COL7A1: variants seen among roughly 807,000 people sequenced by gnomAD.
COL7A1 encodes collagen type VII alpha 1 chain, also known as collagen alpha-1(VII) chain.
A neutral mutation model predicts 456.2 loss-of-function variants in COL7A1; 296 were observed. The ratio of observed to expected loss-of-function variants is 0.65; its 90% CI spans 0.59 to 0.71. The LOEUF (loss-of-function observed/expected upper bound fraction) is 0.71, where lower values mean the gene tolerates loss of function less well. COL7A1 is among the 30% of genes least tolerant of loss of function. The pLI, the probability that COL7A1 is intolerant of heterozygous loss-of-function variation, is 0.00. For missense variants in COL7A1, 3,441 were observed against 4,017.2 expected (o/e 0.86, Z 3.88); for synonymous variants, 1,464 against 1,525.9 (o/e 0.96, Z 0.95).
Position 48,575,983 on chromosome 3 carries a change from C to T in COL7A1, c.5821-81G>A, listed in dbSNP as rs529853479. Reference sequence around the variant, plus strand: ...GCCCCGCACGGCCTCAGGAAAGCACCTTCACACCCTTTTCCCTAGGCCTCT... The same window carrying T: ...GCCCCGCACGGCCTCAGGAAAGCACTTTCACACCCTTTTCCCTAGGCCTCT... On this transcript the variant is annotated intron_variant, in intron 71 of 118. Coordinates refer to ENST00000681320, the MANE Select transcript of COL7A1 (RefSeq NM_000094.4). The surrounding 1 kb of genome is among the most constrained non-coding windows in gnomAD (Gnocchi z 6.3). 38 of 1,604,832 alleles carry T rather than the reference C, an allele frequency of 2.4e-5. No homozygotes were observed. Among genetic ancestry groups the T allele is most frequent in the Non-Finnish European group, 3.2e-5 (37 of 1,172,066 alleles).
rs769933448 is a variant in COL7A1 at position 48,570,886 on chromosome 3, C to T, written c.7247G>A (p.Gly2416Asp). Reference sequence around the variant, plus strand: ...CCGCTCTCCACTAGGGCCTGGCTGACCCATCTCTCCTCGAGGGCCTGTCTG... The same window carrying T: ...CCGCTCTCCACTAGGGCCTGGCTGATCCATCTCTCCTCGAGGGCCTGTCTG... ...PGQTGPRGEM[G>D]QPGPSGERGL... Residue 2416 changes from glycine to aspartate, a missense_variant, in exon 95 of 119, where the codon GGT becomes GAT. Transcript: ENST00000681320. The surrounding 1 kb of genome is among the most constrained non-coding windows in gnomAD (Gnocchi z 5.5). The T allele has an allele frequency of 1.9e-6, 3 of 1,613,030 alleles. No homozygotes were observed. The highest frequency in any genetic ancestry group is 2.5e-6 in the Non-Finnish European group (3 of 1,179,750).
rs571125408 is a variant in COL7A1 at position 48,570,572 on chromosome 3, G to A, written c.7344+67C>T. On this transcript the variant is annotated intron_variant, in intron 96 of 118. Transcript: ENST00000681320. The surrounding 1 kb of genome is among the most constrained non-coding windows in gnomAD (Gnocchi z 5.5). ...CCCCCAACACCCCACAGTGTGGCCC[G>A]CCCCATCCTAAGTCCTCACGAGGAC... The A allele has an allele frequency of 3.5e-5, 56 of 1,613,114 alleles. No individual in the cohort carries two copies. The highest frequency in any genetic ancestry group is 4.4e-5 in the Non-Finnish European group (52 of 1,179,362).
Position 48,570,500 on chromosome 3 carries a change from C to T in COL7A1, c.7345G>A (p.Gly2449Arg), listed in dbSNP as rs1381350455. The change falls in exon 97 of 119, where the codon GGA becomes AGA. Residue 2449 changes from glycine (G) to arginine (R), a missense_variant and splice_region_variant. This residue lies in a region of COL7A1 where 2,084 missense variants were observed against 2,501.3 expected (regional missense o/e 0.83). Transcript: ENST00000681320. This position sits in a 1 kb window ranked among gnomAD's most constrained non-coding sequence, Gnocchi z 5.5. ...TTGAGTCCAGAGGCCCCAGGTGGTC[C>T]CTGTAGGTCAGAGTGAGGTGAGGGT... ...LGPPGPPGSVGPPGASGLKGD... is the reference protein window; with the variant it reads ...LGPPGPPGSVRPPGASGLKGD... The T allele has an allele frequency of 6.2e-7, 1 of 1,614,018 alleles. No individual in the cohort carries two copies. Among genetic ancestry groups the T allele is most frequent in the Non-Finnish European group, 8.5e-7 (1 of 1,179,956 alleles).
Position 48,578,820 on chromosome 3 carries a change from G to T in COL7A1, c.5424+99C>A. 2 of 1,307,430 alleles carry T rather than the reference G, an allele frequency of 1.5e-6. No homozygotes were observed. The highest frequency in any genetic ancestry group is 2.1e-6 in the Non-Finnish European group (2 of 956,666). 81.0% of individuals were successfully genotyped at this position (1,307,430 alleles called of 1,614,324 possible). ...ACCCTCCCAAAGGCAAGGCTGAACCGACCCCCCACCAACTCTCTCGGATGC... is the reference window on the plus strand; with the variant it reads ...ACCCTCCCAAAGGCAAGGCTGAACCTACCCCCCACCAACTCTCTCGGATGC... On this transcript the variant is annotated intron_variant, in intron 63 of 118. Transcript: ENST00000681320. This position sits in a 1 kb window ranked among gnomAD's most constrained non-coding sequence, Gnocchi z 4.7.
Position 48,586,996 on chromosome 3 carries a change from C to A in COL7A1, c.3252G>T (p.Gly1084=), listed in dbSNP as rs550516762. 6.3e-7 allele frequency: 1 copy of A among 1,599,136 alleles called. No individual in the cohort carries two copies. Among genetic ancestry groups the A allele is most frequent in the East Asian group, 2.3e-5 (1 of 44,402 alleles). The change falls in exon 25 of 119, where the codon GGG becomes GGT. Residue 1084 remains glycine (G), a synonymous_variant. Transcript: ENST00000681320. The surrounding 1 kb of genome is among the most constrained non-coding windows in gnomAD (Gnocchi z 5.1). ...CCTGAACTGCCTGTGGCCCAAGAGG[C>A]CCAAGTGCCAACACCAGACGCTCCA... The part of the protein sequence containing the change: ...RVLERLVLAL[G]PLGPQAVQVG...
chr3:48,582,386 A>G lies in COL7A1; in HGVS notation c.4600-28T>C, dbSNP rs866215266. 3 of 1,614,094 alleles carry G rather than the reference A, an allele frequency of 1.9e-6. No homozygotes were observed. The Middle Eastern group carries it at 4.9e-4, about 266-fold the overall frequency. On this transcript the variant is annotated intron_variant, in intron 46 of 118. Transcript: ENST00000681320. ...GTGGAGAGAGGATAGGAGCAGGGAC[A>G]GGTCAGGGAGTCACCTAGGAGCCCA... is the stretch of plus-strand genomic sequence containing the variant.
In COL7A1 at chr3:48,589,605, C is replaced by G; in HGVS notation, c.2164G>C (p.Ala722Pro). 3 of 1,613,118 alleles carry G rather than the reference C, an allele frequency of 1.9e-6. No homozygotes were observed. The highest frequency in any genetic ancestry group is 2.5e-6 in the Non-Finnish European group (3 of 1,179,874). ...ATGYRVSWHS[A>P]HGPEKSQLVS... is the part of the protein sequence containing the mutation. ...CCCAAACCCCAGTCCCCACCGTGGG[C>G]TGAGTGCCAGGAAACCCTGTATCCT... Residue 722 changes from alanine to proline, a missense_variant, in exon 17 of 119, where the codon GCC becomes CCC. Transcript: ENST00000681320.
In COL7A1 at chr3:48,581,123, G is replaced by A. The variant is rs764468586; in HGVS notation, c.4934C>T (p.Pro1645Leu). 3.8e-5 allele frequency: 62 copies of A among 1,613,792 alleles called. No individual in the cohort carries two copies. Among genetic ancestry groups the A allele is most frequent in the Non-Finnish European group, 4.7e-5 (55 of 1,179,996 alleles). ...EVGEKGDEGP[P>L]GDPGLPGKAG... ...AACCACAGTGGGAAGGAGTCTCACC[G>A]GAGGACCCTCGTCACCTTTCTCTCC... Residue 1645 changes from proline (P) to leucine (L), a missense_variant and splice_region_variant, in exon 53 of 119, where the codon CCG becomes CTG. Physicochemically the swap from Pro to Leu is moderately conservative, Grantham distance 98. Coordinates refer to ENST00000681320, the MANE Select transcript of COL7A1 (RefSeq NM_000094.4). The surrounding 1 kb of genome is among the most constrained non-coding windows in gnomAD (Gnocchi z 5.8).
chr3:48,577,550 C>T (rs1306290244), intron 65 of COL7A1, among the ~76,000 whole-genome samples: 1 of 152,254 alleles, frequency 6.6e-6, no homozygotes, highest in African/African-American at 2.4e-5. Flanking sequence ...CATATAAAGT[C>T]ATGGGCCAGC....
rs773034718 is a variant in COL7A1, at chr3:48,586,183, G to A, written c.3614C>T (p.Pro1205Leu). The A allele has an allele frequency of 2.5e-5, 40 of 1,613,216 alleles. No homozygotes were observed. Among genetic ancestry groups the A allele is most frequent in the African/African-American group, 4.0e-5 (3 of 74,916 alleles). ...ADPEQLRRLA[P>L]GMDSVQTFFA... Reference sequence around the variant, plus strand: ...GAAGGTCTGGACAGAGTCCATACCCGGCGCCAAGCGACGCAGCTGCTCTGG... The same window carrying A: ...GAAGGTCTGGACAGAGTCCATACCCAGCGCCAAGCGACGCAGCTGCTCTGG... Residue 1205 changes from proline to leucine, a missense_variant, in exon 28 of 119, where the codon CCG (proline) becomes CTG (leucine). This residue lies in a region of COL7A1 where 2,084 missense variants were observed against 2,501.3 expected (regional missense o/e 0.83). Transcript: ENST00000681320. The surrounding 1 kb of genome is among the most constrained non-coding windows in gnomAD (Gnocchi z 5.1).
In COL7A1 at chr3:48,590,100, T is replaced by G; in HGVS notation, c.2050+113A>C. Reference sequence around the variant, plus strand: ...GTCTCTGAGGGAGGAGGGAGTGGGATTCTGAAGGGGGAGGCAGGAGTTCTG... The same window carrying G: ...GTCTCTGAGGGAGGAGGGAGTGGGAGTCTGAAGGGGGAGGCAGGAGTTCTG... On this transcript the variant is annotated intron_variant, in intron 16 of 118. Coordinates refer to ENST00000681320, the MANE Select transcript of COL7A1 (RefSeq NM_000094.4). The surrounding 1 kb of genome is among the most constrained non-coding windows in gnomAD (Gnocchi z 4.6). 1 of 1,200,630 alleles carries G rather than the reference T, an allele frequency of 8.3e-7. No individual in the cohort carries two copies. Among genetic ancestry groups the G allele is most frequent in the Non-Finnish European group, 1.2e-6 (1 of 848,974 alleles). The allele number at this position is 1,200,630 out of a possible 1,614,324, so 74.4% of individuals were successfully genotyped here. A position where few individuals can be genotyped will look rare whatever the true frequency, so the allele number is the denominator to read the frequency against.
chr3:48,568,367 C>T lies in COL7A1; in HGVS notation c.7794+132G>A. On this transcript the variant is annotated intron_variant, in intron 105 of 118. Transcript: ENST00000681320. This position sits in a 1 kb window ranked among gnomAD's most constrained non-coding sequence, Gnocchi z 5.2. ...GGCGGCTACTGTGGAGGTGGGGGAC[C>T]CTGGGTGACATGAGGACACCATGAG... 9.1e-7 allele frequency: 1 copy of T among 1,096,116 alleles called. No homozygotes were observed. Among genetic ancestry groups the T allele is most frequent in the Non-Finnish European group, 1.4e-6 (1 of 738,720 alleles). The allele number at this position is 1,096,116 out of a possible 1,614,324, so 67.9% of individuals were successfully genotyped here. A position where few individuals can be genotyped will look rare whatever the true frequency, so the allele number is the denominator to read the frequency against.
At position 48,587,509 on chromosome 3, in the gene COL7A1, G is replaced by A. The variant is rs775311082; in HGVS notation, c.2903C>T (p.Ser968Leu). Residue 968 changes from serine (S) to leucine (L), a missense_variant, in exon 23 of 119, where the codon TCG becomes TTG. Ser to Leu is a moderately radical substitution (Grantham distance 145, BLOSUM62 -2). Coordinates refer to ENST00000681320, the MANE Select transcript of COL7A1 (RefSeq NM_000094.4). The surrounding 1 kb of genome is among the most constrained non-coding windows in gnomAD (Gnocchi z 6.1). Reference protein sequence around the residue: ...PSIELRVVDTSIDSVTLAWTP... With the variant: ...PSIELRVVDTLIDSVTLAWTP... ...CCAGGCCAAAGTCACCGAGTCGATC[G>A]AGGTGTCCACCACACGTAGTTCAAT... 28 of 1,613,350 alleles carry A rather than the reference G, an allele frequency of 1.7e-5. No individual in the cohort carries two copies. The highest frequency in any genetic ancestry group is 4.0e-5 in the African/African-American group (3 of 74,922).
chr3:48,594,555 C>T lies in COL7A1; in HGVS notation c.86-7G>A, dbSNP rs1359934179. ...TAAAGGCGCGTGCAGGTCACTGGGG[C>T]GGGCAGGAGAGATCAGGGCCTCTTC... On this transcript the variant is annotated splice_polypyrimidine_tract_variant and splice_region_variant and intron_variant, in intron 2 of 118. Coordinates refer to ENST00000681320, the MANE Select transcript of COL7A1 (RefSeq NM_000094.4). The surrounding 1 kb of genome is among the most constrained non-coding windows in gnomAD (Gnocchi z 5.5). 1.3e-6 allele frequency: 2 copies of T among 1,578,522 alleles called. No individual in the cohort carries two copies. Among genetic ancestry groups the T allele is most frequent in the East Asian group, 2.3e-5 (1 of 42,838 alleles).
Position 48,568,997 on chromosome 3 carries a change from C to A in COL7A1, c.7687-142G>T, listed in dbSNP as rs894612995. ...CACGTCCTCCCAGCCTGTGCCATAG[C>A]GGGTGGAACTGGGGGCTGTAGTCCA... On this transcript the variant is annotated intron_variant, in intron 103 of 118. Coordinates refer to ENST00000681320, the MANE Select transcript of COL7A1 (RefSeq NM_000094.4). This position sits in a 1 kb window ranked among gnomAD's most constrained non-coding sequence, Gnocchi z 5.2. 1.7e-5 allele frequency: 14 copies of A among 814,438 alleles called. 1 individual carries two copies. Among genetic ancestry groups the A allele is most frequent in the South Asian group, 6.0e-5 (4 of 66,866 alleles). The allele number at this position is 814,438 out of a possible 1,614,324, so 50.5% of individuals were successfully genotyped here.
chr3:48,577,705 C>T (rs561271265), intron 65 of COL7A1, among the ~76,000 whole-genome samples: 1 of 152,296 alleles, frequency 6.6e-6, no homozygotes, highest in South Asian at 2.1e-4. Context: ...CTAAGTGCCC[C>T]AAATGTGGCT....
At position 48,571,114 on chromosome 3, in the gene COL7A1, G is replaced by A. The variant is rs746089935; in HGVS notation, c.7151C>T (p.Pro2384Leu). The change falls in exon 94 of 119, where the codon CCT (proline) becomes CTT (leucine). Residue 2384 changes from proline (P) to leucine (L), a missense_variant. By Grantham distance (98) the Pro-to-Leu change is moderately conservative (BLOSUM62 -3). Around this residue, in one of 3 missense-constraint regions of COL7A1, gnomAD observed 2,084 missense variants for 2,501.3 expected, o/e 0.83. Transcript: ENST00000681320. The surrounding 1 kb of genome is among the most constrained non-coding windows in gnomAD (Gnocchi z 4.6). Reference protein sequence around the residue: ...GVPGSPGPPGPPGVKGDLGLP... With the variant: ...GVPGSPGPPGLPGVKGDLGLP... The stretch of plus-strand genomic sequence containing the variant: ...GCATTGACTTACCTTCACACCTGGA[G>A]GGCCAGGAGGCCCAGGGGAGCCCGG... The A allele has an allele frequency of 2.5e-6, 4 of 1,613,924 alleles. No individual in the cohort carries two copies. Among genetic ancestry groups the A allele is most frequent in the African/African-American group, 2.7e-5 (2 of 74,924 alleles).
In COL7A1 at chr3:48,587,321, G is replaced by A. The variant is rs377119325; in HGVS notation, c.3008C>T (p.Pro1003Leu). Residue 1003 changes from proline to leucine, a missense_variant, in exon 24 of 119, where the codon CCG becomes CTG. Physicochemically the swap from Pro to Leu is moderately conservative, Grantham distance 98 (BLOSUM62 -3). Coordinates refer to ENST00000681320, the MANE Select transcript of COL7A1 (RefSeq NM_000094.4). This position sits in a 1 kb window ranked among gnomAD's most constrained non-coding sequence, Gnocchi z 6.1. ...GCTTGAGATCCCTGGAAGTGTCTGCGGGGACCCAGGCACTTCTGCAGGAGA... is the reference window on the plus strand; with the variant it reads ...GCTTGAGATCCCTGGAAGTGTCTGCAGGGACCCAGGCACTTCTGCAGGAGA... ...RGPGQEVPGS[P>L]QTLPGISSSQ... The A allele has an allele frequency of 1.3e-5, 21 of 1,600,858 alleles. No homozygotes were observed. The highest frequency in any genetic ancestry group is 9.1e-5 in the East Asian group (4 of 44,114).
chr3:48,592,259 G>A lies in COL7A1; in HGVS notation c.1094-11C>T, dbSNP rs2045758174. 2 of 1,613,834 alleles carry A rather than the reference G, an allele frequency of 1.2e-6. No individual in the cohort carries two copies. Among genetic ancestry groups the A allele is most frequent in the Non-Finnish European group, 8.5e-7 (1 of 1,179,982 alleles). On this transcript the variant is annotated splice_polypyrimidine_tract_variant and intron_variant, in intron 9 of 118. Coordinates refer to ENST00000681320, the MANE Select transcript of COL7A1 (RefSeq NM_000094.4). The surrounding 1 kb of genome is among the most constrained non-coding windows in gnomAD (Gnocchi z 7.6). The stretch of plus-strand genomic sequence containing the variant: ...GCTGTGTGGGCCCACCTGCATGGGG[G>A]ACACCAAGGGGCCAGTGGGCCTTGC...
Sources: gnomAD v4.1 joint callset for allele counts (sites outside exome capture counted in the v4.1 genomes callset) on GRCh38, gnomAD v4.1.1 for gene constraint, gnomAD v4.1.1 regional missense constraint, Gnocchi (gnomAD v3.1) non-coding constraint, MANE v1.5 for transcripts, NCBI Gene and HGNC (gene_info 2026-07-23, HGNC 2026-07-21) for gene names.